ELAVL2: variants seen among roughly 807,000 people sequenced by gnomAD.
ELAVL2 encodes ELAV like RNA binding protein 2.
A neutral mutation model predicts 34.6 loss-of-function variants in ELAVL2; 4 were observed. That is an observed-to-expected ratio of 0.12 (90% CI 0.06 to 0.26). The LOEUF (loss-of-function observed/expected upper bound fraction) is 0.26. Among genes scored for constraint, ELAVL2 ranks in the 10% least tolerant of loss-of-function variants. The pLI is 1.00. For synonymous variants in ELAVL2, 193 were observed against 154.8 expected, an observed-to-expected ratio of 1.25 and a Z score of -1.83; for missense variants, 432 against 442.8, an observed-to-expected ratio of 0.98 and a Z score of 0.22.
intron 1 of ELAVL2, chr9:23,783,354 C>A: frequency 1.4e-6 from 1 of 697,110 alleles, no homozygotes; most frequent in Non-Finnish European, 1.8e-6. Context: ...TCTGAAGCCA[C>A]TTAAATGGAG....
chr9:23,758,352 C>A (rs2054081593), intron 2 of ELAVL2, among the ~76,000 whole-genome samples: 1 of 151,938 alleles, frequency 6.6e-6, no homozygotes, highest in Admixed American at 6.6e-5. Flanking sequence ...ATTTTCTAGA[C>A]TATTTTACTC....
chr9:23,722,734 T>C lies in ELAVL2; in HGVS notation c.333+8288A>G, dbSNP rs528472424. Among the ~76,000 whole-genome samples the C allele has an allele frequency of 1.2e-4, 19 of 152,382 alleles. No homozygotes were observed. In the South Asian group the frequency reaches 2.5e-3, roughly 20 times the overall value. ...AGCTATTTCATTTTGAACAAATCCC[T>C]TTTAACCTGAGCTTTATTTCATCAA... On this transcript the variant is annotated intron_variant, in intron 3 of 6. Transcript: ENST00000397312.
intron 4 of ELAVL2, among the ~76,000 whole-genome samples, chr9:23,703,004 AC>A (rs2037994628): frequency 6.9e-6 from 1 of 144,074 alleles, no homozygotes; most frequent in Admixed American, 7.4e-5. Flanking sequence ...AGCTAGAGTC[AC>A]CTAAATCGGT....
intron 1 of ELAVL2, among the ~76,000 whole-genome samples, chr9:23,785,268 C>G (rs1300957398): frequency 6.6e-6 from 1 of 152,082 alleles, no homozygotes; most frequent in African/African-American, 2.4e-5. Flanking sequence ...GAAATGAAAA[C>G]AAAGTGTTTA....
chr9:23,740,742 AGAT>A (rs1230951291), intron 2 of ELAVL2, among the ~76,000 whole-genome samples: 2 of 152,236 alleles, frequency 1.3e-5, no homozygotes, highest in Non-Finnish European at 2.9e-5. Flanking sequence ...CAAAACAGAT[AGAT>A]GAGAGGTATC....
At chr9:23,818,384 G>A (rs1031421405) in intron 1 of ELAVL2, among the ~76,000 whole-genome samples, 1 of 152,298 alleles carries the variant, frequency 6.6e-6, no homozygotes, top group Non-Finnish European at 1.5e-5. Flanking sequence ...AAATTCTTAA[G>A]AATTTCAAGA....
intron 1 of ELAVL2, among the ~76,000 whole-genome samples, chr9:23,772,941 C>T (rs1045463646): frequency 6.6e-6 from 1 of 152,106 alleles, no homozygotes; most frequent in South Asian, 2.1e-4. Flanking sequence ...CCACCTCTGC[C>T]TCTTGCTCCC....
intron 5 of ELAVL2, among the ~76,000 whole-genome samples, chr9:23,694,993 A>C (rs938001156): frequency 1.3e-5 from 2 of 152,222 alleles, no homozygotes; most frequent in Non-Finnish European, 2.9e-5. Context: ...GAGGTTACCA[A>C]AATTATGGTC....
intron 1 of ELAVL2, among the ~76,000 whole-genome samples, chr9:23,774,420 A>C (rs1400827081): frequency 1.3e-5 from 2 of 152,034 alleles, no homozygotes; most frequent in Non-Finnish European, 2.9e-5. Flanking sequence ...CATGACTGTT[A>C]ATTCCTGTCC....
At chr9:23,699,416 G>GA (rs927069450) in intron 5 of ELAVL2, among the ~76,000 whole-genome samples, 26 of 150,496 alleles carry the variant, frequency 1.7e-4, no homozygotes, top group South Asian at 8.4e-4. Flanking sequence ...CTTCAATCTG[G>GA]AAAAAAAAAG....
intron 1 of ELAVL2, among the ~76,000 whole-genome samples, chr9:23,782,156 T>A (rs952852992): frequency 1.3e-5 from 2 of 152,128 alleles, no homozygotes; most frequent in Non-Finnish European, 2.9e-5. Context: ...TCCAAGCAGA[T>A]AACCAAGTCA....
At chr9:23,730,481 T>C (rs2046262927) in intron 3 of ELAVL2, among the ~76,000 whole-genome samples, 3 of 152,166 alleles carry the variant, frequency 2.0e-5, no homozygotes, top group Non-Finnish European at 4.4e-5. Flanking sequence ...GGTTTTTACA[T>C]TTTTTAACTT....
intron 1 of ELAVL2, among the ~76,000 whole-genome samples, chr9:23,801,441 G>T (rs937726107): frequency 2.6e-5 from 4 of 152,090 alleles, no homozygotes; most frequent in African/African-American, 9.7e-5. Flanking sequence ...TCTACGTACA[G>T]GAGCTATTGG....
At chr9:23,838,624 GT>G in the ELAVL2 span, among the ~76,000 whole-genome samples, 7 of 152,004 alleles carry the variant, frequency 4.6e-5, no homozygotes, top group Non-Finnish European at 8.8e-5. Context: ...AACATAAAGT[GT>G]TTCCTTCCCT....
At chr9:23,793,010 C>G (rs1391274282) in intron 1 of ELAVL2, among the ~76,000 whole-genome samples, 1 of 152,136 alleles carries the variant, frequency 6.6e-6, no homozygotes, top group Admixed American at 6.5e-5. Context: ...CTCCTGGCCT[C>G]AAGCAATCCC....
upstream of ELAVL2, chr9:23,829,547 G>A (rs1318135863): frequency 6.6e-6 from 1 of 152,194 alleles, no homozygotes; most frequent in African/African-American, 2.4e-5. Flanking sequence ...AATGTTATGT[G>A]TTAGTATGGT....
the ELAVL2 span, among the ~76,000 whole-genome samples, chr9:23,850,235 ACCC>A: frequency 1.6e-3 from 201 of 124,840 alleles, no homozygotes; most frequent in Non-Finnish European, 2.0e-3. Context: ...CACCACCACC[ACCC>A]CCCCCGCCCC....
intron 5 of ELAVL2, among the ~76,000 whole-genome samples, chr9:23,693,981 C>T (rs914776351): frequency 9.9e-5 from 15 of 152,188 alleles, no homozygotes; most frequent in African/African-American, 3.4e-4. Context: ...ATTTTCCTTT[C>T]ATTTCCCAAC....
chr9:23,703,280 T>A (rs2038104323), intron 4 of ELAVL2, among the ~76,000 whole-genome samples: 1 of 152,228 alleles, frequency 6.6e-6, no homozygotes, highest in African/African-American at 2.4e-5. Flanking sequence ...AATGAATGAA[T>A]TAGAAAGCAC....
Sources: allele counts gnomAD v4.1 joint callset (sites outside exome capture counted in the v4.1 genomes callset), GRCh38; gene constraint gnomAD v4.1.1; transcripts MANE v1.5; gene names NCBI Gene and HGNC (gene_info 2026-07-23, HGNC 2026-07-21).